NALCN: variants seen among roughly 807,000 people sequenced by gnomAD.
NALCN encodes sodium leak channel NALCN.
NALCN carries 111 observed loss-of-function variants against 225.3 expected under a neutral mutation model. The ratio of observed to expected loss-of-function variants is 0.49; its 90% CI spans 0.42 to 0.58. The LOEUF (loss-of-function observed/expected upper bound fraction) is 0.58, where lower values mean the gene tolerates loss of function less well. Ranked by LOEUF, NALCN falls within the 20% of genes least tolerant of loss-of-function variation. The pLI is 0.00. For synonymous variants in NALCN, 764 were observed against 769.0 expected (o/e 0.99, Z 0.11); for missense variants, 1,378 against 2,202.4 (o/e 0.63, Z 7.49).
chr13:101,384,370 A>G (rs766966147), intron 3 of NALCN, among the ~76,000 whole-genome samples: 2 of 152,096 alleles, frequency 1.3e-5, no homozygotes, highest in Non-Finnish European at 2.9e-5. Flanking sequence ...GTCAATTTTT[A>G]TAACGGTAAA....
chr13:101,350,104 C>T (rs1011954987), intron 6 of NALCN, among the ~76,000 whole-genome samples: 8 of 152,148 alleles, frequency 5.3e-5, no homozygotes, highest in African/African-American at 1.9e-4. Flanking sequence ...CACTGGCCAC[C>T]CTGCCTCCCA....
chr13:101,392,160 T>C (rs2047166464), intron 3 of NALCN, among the ~76,000 whole-genome samples: 1 of 152,032 alleles, frequency 6.6e-6, no homozygotes, highest in African/African-American at 2.4e-5. Context: ...TGAAAACAAT[T>C]CTGAGAGTGC....
intron 11 of NALCN, among the ~76,000 whole-genome samples, chr13:101,245,094 G>A (rs1313706425): frequency 1.3e-5 from 2 of 152,102 alleles, no homozygotes; most frequent in Non-Finnish European, 2.9e-5. Context: ...AAAGTGGAAC[G>A]GTGGCTTCCA....
chr13:101,140,834 G>A (rs978511166), intron 17 of NALCN, among the ~76,000 whole-genome samples: 52 of 152,192 alleles, frequency 3.4e-4, no homozygotes, highest in African/African-American at 1.1e-3. Context: ...TGAGGCAGGA[G>A]GATCACTTGA....
intron 15 of NALCN, among the ~76,000 whole-genome samples, chr13:101,155,772 TA>T (rs1358541954): frequency 6.6e-6 from 1 of 152,076 alleles, no homozygotes; most frequent in Admixed American, 6.6e-5. Flanking sequence ...CTACAATAAT[TA>T]AAAAAAGACT....
chr13:101,154,800 T>C (rs749458469), intron 15 of NALCN, among the ~76,000 whole-genome samples: 2 of 152,198 alleles, frequency 1.3e-5, no homozygotes, highest in African/African-American at 2.4e-5. Context: ...GAATCATCTA[T>C]ATTATCCAGC....
At chr13:101,362,986 C>A (rs2046289334) in intron 6 of NALCN, among the ~76,000 whole-genome samples, 1 of 151,796 alleles carries the variant, frequency 6.6e-6, no homozygotes, top group Admixed American at 6.6e-5. Context: ...ATGCCATTTA[C>A]AATATTTATT....
intron 20 of NALCN, 69 bp downstream of exon 20, chr13:101,110,550 T>C: frequency 6.5e-7 from 1 of 1,530,534 alleles, no homozygotes; most frequent in Non-Finnish European, 9.0e-7. Flanking sequence ...CTGGGCATTG[T>C]CTAAGCAGTC....
chr13:101,362,717 A>G (rs910028261), intron 6 of NALCN, among the ~76,000 whole-genome samples: 1 of 152,114 alleles, frequency 6.6e-6, no homozygotes, highest in Admixed American at 6.6e-5. Context: ...TTTATTCAAC[A>G]TACTACTGGA....
At chr13:101,164,215 G>GTTTTGAACTGAC (rs2038331559) in intron 15 of NALCN, among the ~76,000 whole-genome samples, 1 of 152,058 alleles carries the variant, frequency 6.6e-6, no homozygotes, top group Non-Finnish European at 1.5e-5. Flanking sequence ...AGGTACTTCT[G>GTTTTGAACTGAC]TTTTGAACTG....
At chr13:101,165,372 C>G (rs1289531820) in intron 15 of NALCN, among the ~76,000 whole-genome samples, 4 of 152,190 alleles carry the variant, frequency 2.6e-5, no homozygotes, top group African/African-American at 4.8e-5. Context: ...ATTGCCTTCA[C>G]TAACCACCTC....
intron 40 of NALCN, among the ~76,000 whole-genome samples, chr13:101,063,482 G>C (rs1299776628): frequency 6.6e-6 from 1 of 152,170 alleles, no homozygotes; most frequent in Non-Finnish European, 1.5e-5. Flanking sequence ...TTCCAAAGAG[G>C]CTGAATATTA....
chr13:101,395,396 C>T (rs1406679820), intron 2 of NALCN, 31 bp from the exon 3 acceptor site: 2 of 1,596,760 alleles, frequency 1.3e-6, no homozygotes, highest in African/African-American at 2.7e-5. Context: ...TACTACACGG[C>T]ACCATAACTG....
intron 3 of NALCN, 66 bp downstream of exon 3, chr13:101,395,117 T>C: frequency 7.0e-7 from 1 of 1,430,092 alleles, no homozygotes. Context: ...CAAGAAAATA[T>C]GATTAAAGGG....
intron 13 of NALCN, among the ~76,000 whole-genome samples, chr13:101,219,140 A>G (rs1246322139): frequency 6.6e-6 from 1 of 152,160 alleles, no homozygotes; most frequent in Non-Finnish European, 1.5e-5. Flanking sequence ...TCAAACAACA[A>G]TTAAGAGAAT....
rs138986435 is a variant in NALCN at position 101,083,787 on chromosome 13, G to A, written c.3507C>T (p.Thr1169=). The change falls in exon 31 of 44, where the codon ACC becomes ACT. Residue 1169 remains threonine, a synonymous_variant. Coordinates refer to ENST00000251127, the MANE Select transcript of NALCN (RefSeq NM_052867.4). ...FNENKGTALL[T]VDQRRWEDLK... The stretch of plus-strand genomic sequence containing the variant: ...GGTCTTCCCATCTTCTCTGATCGAC[G>A]GTCAGCAAAGCCGTCCCCTTAACAG... 12 of 1,613,646 alleles carry A rather than the reference G, an allele frequency of 7.4e-6. No individual in the cohort carries two copies. The highest frequency in any genetic ancestry group is 6.7e-5 in the East Asian group (3 of 44,854).
intron 11 of NALCN, 59 bp downstream of exon 11, chr13:101,258,384 C>A: frequency 1.9e-6 from 3 of 1,603,642 alleles, no homozygotes; most frequent in Non-Finnish European, 2.6e-6. Context: ...CTCTAAGAGG[C>A]ACTGTCCGCG....
chr13:101,104,150 T>C lies in NALCN; in HGVS notation c.2889+145A>G, dbSNP rs2034975366. Reference sequence around the variant, plus strand: ...TACATGCATGGCCCTTATTTGCATATAATGAACTACTCTAGAGTCCATTTA... The same window carrying C: ...TACATGCATGGCCCTTATTTGCATACAATGAACTACTCTAGAGTCCATTTA... On this transcript the variant is annotated intron_variant, in intron 25 of 43. Coordinates refer to ENST00000251127, the MANE Select transcript of NALCN (RefSeq NM_052867.4). This position sits in a 1 kb window ranked among gnomAD's most constrained non-coding sequence, Gnocchi z 4.2. 9.6e-6 allele frequency: 8 copies of C among 837,124 alleles called. No homozygotes were observed. The East Asian group carries it at 1.4e-4, about 15-fold the overall frequency. The allele number at this position is 837,124 out of a possible 1,614,324, so 51.9% of individuals were successfully genotyped here.
chr13:101,126,143 C>T (rs1165479014), intron 17 of NALCN, among the ~76,000 whole-genome samples: 1 of 152,164 alleles, frequency 6.6e-6, no homozygotes, highest in African/African-American at 2.4e-5. Flanking sequence ...GAGTAACAAA[C>T]AGGTCTTTTT....
Sources: allele counts gnomAD v4.1 joint callset (sites outside exome capture counted in the v4.1 genomes callset), GRCh38; gene constraint gnomAD v4.1.1; non-coding constraint Gnocchi (gnomAD v3.1); transcripts MANE v1.5; gene names NCBI Gene and HGNC (gene_info 2026-07-23, HGNC 2026-07-21).